DOT1L: variants seen among roughly 807,000 people sequenced by gnomAD.
DOT1L encodes histone-lysine N-methyltransferase, H3 lysine-79 specific.
A neutral mutation model predicts 153.3 loss-of-function variants in DOT1L; 33 were observed. The ratio of observed to expected loss-of-function variants is 0.22; its 90% CI spans 0.16 to 0.29. DOT1L has a LOEUF of 0.29. DOT1L is among the 10% of genes least tolerant of loss of function. The probability of loss-of-function intolerance (pLI) is 1.00; values close to 1 mark genes in which losing one functional copy is unlikely to be tolerated. For synonymous variants in DOT1L, 1,135 were observed against 965.1 expected (o/e 1.18, Z -3.26); for missense variants, 1,847 against 2,119.9 (o/e 0.87, Z 2.53).
rs2144833553 is a variant in DOT1L at position 2,210,822 on chromosome 19, A to G, written c.1318A>G (p.Thr440Ala). 1 of 1,612,702 alleles carries G rather than the reference A, an allele frequency of 6.2e-7. No homozygotes were observed. Among genetic ancestry groups the G allele is most frequent in the African/African-American group, 1.3e-5 (1 of 75,018 alleles). The stretch of plus-strand genomic sequence containing the variant: ...TGCACTGGATGCCCTGCACGCTCAG[A>G]CCGTGTCTCAGACGGCGGCCTCCTC... ...QTALDALHAQ[T>A]VSQTAASSPQ... The change falls in exon 14 of 28, where the codon ACC becomes GCC. Residue 440 changes from threonine (T) to alanine (A), a missense_variant. By Grantham distance (58) the Thr-to-Ala change is moderately conservative. Transcript: ENST00000398665.
chr19:2,188,706 G>A (rs1254117345), intron 3 of DOT1L, among the ~76,000 whole-genome samples: 3 of 152,224 alleles, frequency 2.0e-5, no homozygotes, highest in African/African-American at 7.2e-5. Context: ...CTCTTGCTCT[G>A]CTCTGGACAC....
At chr19:2,174,095 C>T (rs1190415067) in intron 1 of DOT1L, among the ~76,000 whole-genome samples, 2 of 152,232 alleles carry the variant, frequency 1.3e-5, no homozygotes, top group African/African-American at 4.8e-5. Flanking sequence ...AGTGCTAGCA[C>T]TACAGGCGTG....
chr19:2,229,768 G>T lies in DOT1L; in HGVS notation c.4607-17G>T, dbSNP rs529187608. On this transcript the variant is annotated splice_polypyrimidine_tract_variant and intron_variant, in intron 27 of 27. Coordinates refer to ENST00000398665, the MANE Select transcript of DOT1L (RefSeq NM_032482.3). ...ATGGTAACCTCAGGCCGCTCTTCCC[G>T]CTGTGCCCTTCTGCAGGTAACTAGG... The T allele has an allele frequency of 1.2e-6, 2 of 1,613,010 alleles. No individual in the cohort carries two copies. The highest frequency in any genetic ancestry group is 1.7e-6 in the Non-Finnish European group (2 of 1,179,942).
chr19:2,217,843 C>T lies in DOT1L; in HGVS notation c.2616C>T (p.Ser872=), dbSNP rs1354162534. 2 of 1,611,526 alleles carry T rather than the reference C, an allele frequency of 1.2e-6. No individual in the cohort carries two copies. The highest frequency in any genetic ancestry group is 1.7e-5 in the Admixed American group (1 of 59,848). The stretch of plus-strand genomic sequence containing the variant: ...GCCTGCCCATCAGCATCCCGCTCAG[C>T]ACCGTGCAGCCCAACAAGCTCCCGG... The part of the protein sequence containing the change: ...ITSLPISIPL[S]TVQPNKLPVS... The change falls in exon 22 of 28, where the codon AGC becomes AGT. Residue 872 remains serine, a synonymous_variant. Transcript: ENST00000398665. This position sits in a 1 kb window ranked among gnomAD's most constrained non-coding sequence, Gnocchi z 7.3.
At chr19:2,195,724 C>A (rs1200865130) in intron 7 of DOT1L, among the ~76,000 whole-genome samples, 4 of 152,154 alleles carry the variant, frequency 2.6e-5, no homozygotes, top group African/African-American at 9.7e-5. Flanking sequence ...ACAGGGGTTG[C>A]CAAGCTGCCC....
At chr19:2,178,132 G>A (rs1158898022) in intron 1 of DOT1L, among the ~76,000 whole-genome samples, 3 of 147,146 alleles carry the variant, frequency 2.0e-5, no homozygotes, top group East Asian at 2.0e-4. Context: ...GGGTTTCACT[G>A]TGTTAGCCAG....
In DOT1L at chr19:2,222,268, C is replaced by T; in HGVS notation, c.3099C>T (p.Gly1033=). Residue 1033 remains glycine, a synonymous_variant, in exon 24 of 28, where the codon GGC becomes GGT. Transcript: ENST00000398665. The surrounding 1 kb of genome is among the most constrained non-coding windows in gnomAD (Gnocchi z 6.5). ...AGGGAGACCTGCCCTCCGATTCCGG[C>T]TTCTCAGATCCTGAGAGTGAAGCCA... The part of the protein sequence containing the change: ...ASKGDLPSDS[G]FSDPESEAKR... 1.2e-6 allele frequency: 2 copies of T among 1,613,152 alleles called. No homozygotes were observed. Among genetic ancestry groups the T allele is most frequent in the African/African-American group, 1.3e-5 (1 of 75,046 alleles).
Position 2,224,003 on chromosome 19 carries a change from C to T in DOT1L, c.3596+517C>T, listed in dbSNP as rs1053936827. 7.2e-5 allele frequency among the ~76,000 whole-genome samples: 11 copies of T among 152,178 alleles called. No individual in the cohort carries two copies. In the East Asian group the frequency reaches 1.3e-3, roughly 19 times the overall value. ...CCTCCCAAGAGCCCCTGGCACCCCC[C>T]GCCCCCATCCTACTTTCTGTCTCTG... On this transcript the variant is annotated intron_variant, in intron 25 of 27. Transcript: ENST00000398665.
intron 27 of DOT1L, chr19:2,227,462 T>C: frequency 1.8e-6 from 1 of 571,294 alleles, no homozygotes; most frequent in Non-Finnish European, 3.4e-6. Flanking sequence ...TGGGAGCTGG[T>C]GTTGGGTAAG....
intron 27 of DOT1L, 105 bp from the exon 28 acceptor site, chr19:2,229,680 C>CGT: frequency 1.2e-6 from 2 of 1,603,314 alleles, no homozygotes; most frequent in Non-Finnish European, 1.7e-6. Flanking sequence ...CCCCAGGTGG[C>CGT]GTGTGTGCTC....
intron 6 of DOT1L, 130 bp from the exon 7 acceptor site, chr19:2,194,385 A>C: frequency 2.2e-6 from 2 of 926,940 alleles, no homozygotes; most frequent in South Asian, 1.5e-5. Context: ...GTTAGCCAGG[A>C]TGGTCGCAAT....
intron 27 of DOT1L, chr19:2,229,244 C>T: frequency 1.0e-6 from 1 of 985,456 alleles, no homozygotes; most frequent in Non-Finnish European, 1.2e-6. Context: ...CCCCTGAGGG[C>T]AGTTGGCCAC....
At chr19:2,172,830 A>G (rs2021716009) in intron 1 of DOT1L, among the ~76,000 whole-genome samples, 2 of 150,270 alleles carry the variant, frequency 1.3e-5, no homozygotes, top group African/African-American at 4.8e-5. Flanking sequence ...TTGAAATAAC[A>G]TCCTTGTTGT....
At chr19:2,214,622 C>T (rs369339982) in intron 19 of DOT1L, 26 bp downstream of exon 19, 123 of 1,602,982 alleles carry the variant, frequency 7.7e-5, no homozygotes, top group Non-Finnish European at 9.5e-5. Flanking sequence ...GGCTGCACTC[C>T]GTGGTGTCCG....
rs1283592203 is a variant in DOT1L, at chr19:2,207,787, G to A, written c.963+107G>A. 2.8e-6 allele frequency: 3 copies of A among 1,064,308 alleles called. No individual in the cohort carries two copies. In the African/African-American group the frequency reaches 4.8e-5, roughly 17 times the overall value. 65.9% of individuals were successfully genotyped at this position (1,064,308 alleles called of 1,614,324 possible). A position where few individuals can be genotyped will look rare whatever the true frequency, so the allele number is the denominator to read the frequency against. ...TGTGGCCTCTGAGACCCTCCCCTCAGAGCCCTCAACGCCCCCCGGCCCCTG... is the reference window on the plus strand; with the variant it reads ...TGTGGCCTCTGAGACCCTCCCCTCAAAGCCCTCAACGCCCCCCGGCCCCTG... On this transcript the variant is annotated intron_variant, in intron 11 of 27. Coordinates refer to ENST00000398665, the MANE Select transcript of DOT1L (RefSeq NM_032482.3). This position sits in a 1 kb window ranked among gnomAD's most constrained non-coding sequence, Gnocchi z 4.5.
rs1222045864 is a variant in DOT1L, at chr19:2,230,112, C to T, written c.*320C>T. On this transcript the variant is annotated 3_prime_UTR_variant, in exon 28 of 28. Transcript: ENST00000398665. ...TATATGAGAGCTCTATATAAAGACA[C>T]GTGTCTGCAGGGCGGGCCCGCCAGC... is the stretch of plus-strand genomic sequence containing the variant. 8 of 537,818 alleles carry T rather than the reference C, an allele frequency of 1.5e-5. No homozygotes were observed. Among genetic ancestry groups the T allele is most frequent in the African/African-American group, 3.9e-5 (2 of 51,090 alleles). 33.3% of individuals were successfully genotyped at this position (537,818 alleles called of 1,614,324 possible). A position where few individuals can be genotyped will look rare whatever the true frequency, so the allele number is the denominator to read the frequency against.
At chr19:2,164,841 C>T (rs1009245999) in intron 1 of DOT1L, among the ~76,000 whole-genome samples, 2 of 152,098 alleles carry the variant, frequency 1.3e-5, no homozygotes, top group Admixed American at 1.3e-4. Flanking sequence ...GTATGGGCTG[C>T]CCTGGCCCTG....
At chr19:2,172,532 C>G (rs371099351) in intron 1 of DOT1L, among the ~76,000 whole-genome samples, 1 of 142,060 alleles carries the variant, frequency 7.0e-6, no homozygotes, top group Non-Finnish European at 1.5e-5. Flanking sequence ...AAGACAGAGT[C>G]TCACTCTTTT....
At chr19:2,221,589 A>AG (rs2024116548) in intron 23 of DOT1L, 1 of 230,790 alleles carries the variant, frequency 4.3e-6, no homozygotes, top group African/African-American at 2.3e-5. Context: ...TTCTGAGAAC[A>AG]GGAGGGAGGG....
Sources: allele counts gnomAD v4.1 joint callset (sites outside exome capture counted in the v4.1 genomes callset), GRCh38; gene constraint gnomAD v4.1.1; non-coding constraint Gnocchi (gnomAD v3.1); transcripts MANE v1.5; gene names NCBI Gene and HGNC (gene_info 2026-07-23, HGNC 2026-07-21).